The following MPHOSPH9 variants were observed in gnomAD, a reference collection of about 807,000 sequenced individuals.
MPHOSPH9 encodes M-phase phosphoprotein 9.
In MPHOSPH9, 88 loss-of-function variants were observed where a neutral mutation model predicts 145.5. The observed-to-expected ratio is 0.60, with a 90% confidence interval of 0.51 to 0.72. The LOEUF (loss-of-function observed/expected upper bound fraction) is 0.72. Among genes scored for constraint, MPHOSPH9 ranks in the 30% least tolerant of loss-of-function variants. The pLI is 0.00. For missense variants in MPHOSPH9, 1,238 were observed against 1,386.6 expected, an observed-to-expected ratio of 0.89 and a Z score of 1.70; for synonymous variants, 435 against 486.2, an observed-to-expected ratio of 0.89 and a Z score of 1.39.
intron 11 of MPHOSPH9, among the ~76,000 whole-genome samples, chr12:123,200,240 C>A (rs1362910658): frequency 1.3e-5 from 2 of 150,948 alleles, no homozygotes; most frequent in Non-Finnish European, 1.5e-5. Flanking sequence ...TGGGGGAAAT[C>A]ATTTCTCCAG....
intron 12 of MPHOSPH9, among the ~76,000 whole-genome samples, chr12:123,195,757 T>C (rs2045919055): frequency 6.6e-6 from 1 of 151,256 alleles, no homozygotes; most frequent in African/African-American, 2.4e-5. Context: ...GGAGAGGAAC[T>C]AAAAAAGCAA....
chr12:123,158,977 G>C lies in MPHOSPH9; in HGVS notation c.3450+1804C>G, dbSNP rs573080115. 2.4e-4 allele frequency among the ~76,000 whole-genome samples: 37 copies of C among 152,112 alleles called. 1 individual carries two copies. In the South Asian group the frequency reaches 7.5e-3, roughly 31 times the overall value. ...CCGGGCCCATGTGCCTGTAATCCCAGCTACTCAGGAGGCTGAGGCAGGAGA... is the reference window on the plus strand; with the variant it reads ...CCGGGCCCATGTGCCTGTAATCCCACCTACTCAGGAGGCTGAGGCAGGAGA... On this transcript the variant is annotated intron_variant, in intron 23 of 23. Coordinates refer to ENST00000606320, the MANE Select transcript of MPHOSPH9 (RefSeq NM_022782.4).
intron 16 of MPHOSPH9, among the ~76,000 whole-genome samples, chr12:123,173,431 A>G (rs1380439454): frequency 6.6e-6 from 1 of 152,018 alleles, no homozygotes; most frequent in Admixed American, 6.6e-5. Flanking sequence ...CCAGGGTAGG[A>G]CTCTAATCTG....
chr12:123,240,785 G>T (rs2047922615), intron 1 of MPHOSPH9: 1 of 142,322 alleles, frequency 7.0e-6, no homozygotes, highest in African/African-American at 2.7e-5. Flanking sequence ...CCAGGCTGGA[G>T]TGCAGTGGCG....
At chr12:123,192,647 A>C (rs1166031387) in intron 13 of MPHOSPH9, among the ~76,000 whole-genome samples, 2 of 150,064 alleles carry the variant, frequency 1.3e-5, no homozygotes, top group Non-Finnish European at 3.0e-5. Flanking sequence ...AAAAAAAAAA[A>C]AAAAAAAAAA....
chr12:123,176,041 A>G (rs2044847202), intron 16 of MPHOSPH9, among the ~76,000 whole-genome samples: 1 of 152,068 alleles, frequency 6.6e-6, no homozygotes, highest in Non-Finnish European at 1.5e-5. Flanking sequence ...CCCTAGAAAA[A>G]GCTCCTCATT....
chr12:123,233,053 C>T (rs1254728357), intron 1 of MPHOSPH9, 22 bp downstream of exon 1: 1 of 152,288 alleles, frequency 6.6e-6, no homozygotes, highest in Non-Finnish European at 1.5e-5. Context: ...CTACAGCTCC[C>T]TGCAGGCTGG....
At chr12:123,220,872 A>G (rs895692282) in intron 5 of MPHOSPH9, among the ~76,000 whole-genome samples, 2 of 151,996 alleles carry the variant, frequency 1.3e-5, no homozygotes, top group South Asian at 2.1e-4. Flanking sequence ...TGGCTAACAC[A>G]GTGTAACCCC....
chr12:123,210,529 C>T (rs1593200601), intron 7 of MPHOSPH9, among the ~76,000 whole-genome samples: 1 of 151,928 alleles, frequency 6.6e-6, no homozygotes, highest in East Asian at 1.9e-4. Context: ...CCCATCTCTA[C>T]TAAAAATCCA....
intron 13 of MPHOSPH9, among the ~76,000 whole-genome samples, chr12:123,184,928 C>A (rs1013173419): frequency 6.6e-6 from 1 of 152,014 alleles, no homozygotes. Context: ...TTCTGCCTCC[C>A]GAGTAGCTGG....
chr12:123,200,997 C>A (rs1467774216), intron 11 of MPHOSPH9, among the ~76,000 whole-genome samples: 1 of 152,090 alleles, frequency 6.6e-6, no homozygotes, highest in African/African-American at 2.4e-5. Context: ...AATAAAAAAA[C>A]CAACTTCCCA....
At position 123,156,596 on chromosome 12, in the gene MPHOSPH9, T is replaced by C. The variant is rs1313935389; in HGVS notation, c.*211A>G. The C allele has an allele frequency of 1.1e-5, 4 of 376,620 alleles. No individual in the cohort carries two copies. The highest frequency in any genetic ancestry group is 6.2e-5 in the African/African-American group (3 of 48,364). The allele number at this position is 376,620 out of a possible 1,614,324, so 23.3% of individuals were successfully genotyped here. On this transcript the variant is annotated 3_prime_UTR_variant, in exon 24 of 24. Transcript: ENST00000606320. ...CTATTTAAAAATAATGCTTTTTAAA[T>C]AGTAAAATATACAAGAGATTCCTGA... is the stretch of plus-strand genomic sequence containing the variant.
chr12:123,171,855 G>A (rs2044597596), intron 16 of MPHOSPH9, among the ~76,000 whole-genome samples: 2 of 151,974 alleles, frequency 1.3e-5, no homozygotes, highest in Admixed American at 1.3e-4. Flanking sequence ...ATAAATCTTG[G>A]TTATATATTC....
intron 1 of MPHOSPH9, among the ~76,000 whole-genome samples, chr12:123,232,360 C>T (rs2047685636): frequency 6.6e-6 from 1 of 151,930 alleles, no homozygotes; most frequent in African/African-American, 2.4e-5. Flanking sequence ...CCTTAAACAC[C>T]CACAAATACA....
At chr12:123,193,949 T>C (rs1039949157) in intron 13 of MPHOSPH9, among the ~76,000 whole-genome samples, 3 of 152,066 alleles carry the variant, frequency 2.0e-5, no homozygotes, top group Non-Finnish European at 4.4e-5. Flanking sequence ...AAGGTACATA[T>C]TCACAGTTGC....
chr12:123,237,188 G>C (rs955759852), upstream of MPHOSPH9, among the ~76,000 whole-genome samples: 4 of 152,176 alleles, frequency 2.6e-5, no homozygotes, highest in East Asian at 7.7e-4. Flanking sequence ...CAGGCACTGT[G>C]GCTCACGCCT....
At chr12:123,212,766 C>CTTTTTTT (rs769159602) in intron 7 of MPHOSPH9, among the ~76,000 whole-genome samples, 3 of 93,898 alleles carry the variant, frequency 3.2e-5, no homozygotes, top group East Asian at 4.3e-4. Context: ...CAATGGTCGA[C>CTTTTTTT]TTTTTTTTTT....
In MPHOSPH9 at chr12:123,198,265, G is replaced by C; in HGVS notation, c.2007C>G (p.Asn669Lys). The C allele has an allele frequency of 6.2e-7, 1 of 1,610,620 alleles. No individual in the cohort carries two copies. The highest frequency in any genetic ancestry group is 8.5e-7 in the Non-Finnish European group (1 of 1,178,116). The change falls in exon 12 of 24, where the codon AAC becomes AAG. Residue 669 changes from asparagine (N) to lysine (K), a missense_variant. Transcript: ENST00000606320. ...TACTTACCACTTCAATTTCCAGTAAGTTATTCTTATTTTCAAGTGTTCTCA... is the reference window on the plus strand; with the variant it reads ...TACTTACCACTTCAATTTCCAGTAACTTATTCTTATTTTCAAGTGTTCTCA... Reference protein sequence around the residue: ...SRVRTLENKNNLLEIEVNDLR... With the variant: ...SRVRTLENKNKLLEIEVNDLR...
chr12:123,203,249 C>CCTCT lies in MPHOSPH9; in HGVS notation c.1317_1320dup (p.Val441ArgfsTer30). ...ACTCGGCAGAATGTGGACAACTTTA[C>CCTCT]CTCTGGTGGATGATTTGGGTTGGAA... On this transcript the variant is annotated frameshift_variant and splice_region_variant. Transcript: ENST00000606320. LOFTEE classifies it high-confidence loss of function. 5.0e-6 allele frequency: 8 copies of CCTCT among 1,612,836 alleles called. 1 individual carries two copies. In the South Asian group the frequency reaches 8.8e-5, roughly 18 times the overall value.
Sources: allele counts gnomAD v4.1 joint callset (sites outside exome capture counted in the v4.1 genomes callset), GRCh38; gene constraint gnomAD v4.1.1; transcripts MANE v1.5; gene names NCBI Gene and HGNC (gene_info 2026-07-23, HGNC 2026-07-21).